The following CLNS1A variants were observed in gnomAD, a reference collection of about 807,000 sequenced individuals.
CLNS1A encodes chloride nucleotide-sensitive channel 1A, also known as methylosome subunit pICln.
Under a neutral mutation model 29.4 loss-of-function variants are expected in CLNS1A, and 16 were observed. The ratio of observed to expected loss-of-function variants is 0.54; its 90% CI spans 0.37 to 0.83. The LOEUF is 0.83. Among genes scored for constraint, CLNS1A ranks in the 40% least tolerant of loss-of-function variants. The pLI is 0.00. For synonymous variants in CLNS1A, 96 were observed against 104.8 expected (o/e 0.92, Z 0.51); for missense variants, 235 against 287.4 (o/e 0.82, Z 1.32).
chr11:77,618,774 A>G (rs777829044), intron 6 of CLNS1A: 6 of 152,236 alleles, frequency 3.9e-5, no homozygotes, highest in Non-Finnish European at 8.8e-5. Flanking sequence ...CAGAACTAAA[A>G]TCTGTATCAG....
At chr11:77,630,823 AG>A (rs1216234616) in intron 1 of CLNS1A, among the ~76,000 whole-genome samples, 1 of 152,180 alleles carries the variant, frequency 6.6e-6, no homozygotes, top group East Asian at 1.9e-4. Flanking sequence ...GTGGTTGCCT[AG>A]GGCTAGAAGG....
At chr11:77,637,565 C>T in intron 1 of CLNS1A, 25 bp downstream of exon 1, 1 of 1,587,196 alleles carries the variant, frequency 6.3e-7, no homozygotes, top group Middle Eastern at 2.1e-4. Flanking sequence ...CGCAGGAGGC[C>T]AGCGCTGGGG....
At chr11:77,629,570 T>A (rs1220985987) in intron 2 of CLNS1A, among the ~76,000 whole-genome samples, 193 bp downstream of exon 2, 2 of 152,008 alleles carry the variant, frequency 1.3e-5, no homozygotes, top group East Asian at 3.9e-4. Flanking sequence ...ATTTTTTGTA[T>A]TTTTTAGTAG....
intron 5 of CLNS1A, among the ~76,000 whole-genome samples, chr11:77,621,469 C>A (rs1157922153): frequency 2.6e-5 from 4 of 152,104 alleles, no homozygotes; most frequent in African/African-American, 7.2e-5. Flanking sequence ...CATGGTGGAA[C>A]CTTGTCTCTA....
intron 1 of CLNS1A, 129 bp downstream of exon 1, chr11:77,637,461 G>A (rs939940993): frequency 4.2e-6 from 5 of 1,196,644 alleles, no homozygotes; most frequent in Admixed American, 3.0e-5. Context: ...TATCCCTGAG[G>A]CGTCGGGCAC....
intron 5 of CLNS1A, chr11:77,621,814 T>G: frequency 2.7e-6 from 1 of 375,418 alleles, no homozygotes; most frequent in Non-Finnish European, 5.3e-6. Context: ...CCCTGCATAG[T>G]GTGGTGGGTC....
intron 1 of CLNS1A, among the ~76,000 whole-genome samples, chr11:77,637,323 GAA>G (rs1296391689): frequency 9.9e-6 from 1 of 101,522 alleles, no homozygotes; most frequent in Non-Finnish European, 1.9e-5. Context: ...CAGAGAAAGA[GAA>G]AGAGGAAAAA....
In CLNS1A at chr11:77,637,779, G is replaced by A. The variant is rs1003722752; in HGVS notation, c.-65C>T. On this transcript the variant is annotated 5_prime_UTR_variant, in exon 1 of 7. Coordinates refer to ENST00000525428, the MANE Select transcript of CLNS1A (RefSeq NM_001293.3). ...AGCACAGCAATGCGTGCACCACACC[G>A]CCCGCCCTGGAAGAGGCAGTCACCC... The A allele has an allele frequency of 4.1e-6, 6 of 1,480,150 alleles. No homozygotes were observed. In the South Asian group the frequency reaches 5.3e-5, roughly 13 times the overall value. The allele number at this position is 1,480,150 out of a possible 1,614,324, so 91.7% of individuals were successfully genotyped here.
chr11:77,620,419 A>G (rs1490343909), intron 5 of CLNS1A, among the ~76,000 whole-genome samples: 1 of 152,238 alleles, frequency 6.6e-6, no homozygotes, highest in Non-Finnish European at 1.5e-5. Context: ...TGTAAGTCCA[A>G]TGAAACCTCT....
chr11:77,619,758 T>C, intron 5 of CLNS1A, 63 bp from the exon 6 acceptor site: 1 of 1,133,448 alleles, frequency 8.8e-7, no homozygotes, highest in South Asian at 1.2e-5. Flanking sequence ...AGATTCAACT[T>C]ATAACTTCTA....
chr11:77,620,200 G>T (rs1244312609), intron 5 of CLNS1A, among the ~76,000 whole-genome samples: 1 of 152,140 alleles, frequency 6.6e-6, no homozygotes, highest in East Asian at 1.9e-4. Context: ...CACGTGTTGT[G>T]GGAGGGATCT....
chr11:77,623,040 C>CAT (rs1275718834), intron 4 of CLNS1A, among the ~76,000 whole-genome samples: 2 of 150,690 alleles, frequency 1.3e-5, no homozygotes, highest in Non-Finnish European at 2.9e-5. Context: ...TTTATACACA[C>CAT]ATATAGGCTA....
intron 1 of CLNS1A, among the ~76,000 whole-genome samples, chr11:77,633,395 A>G (rs1486078496): frequency 6.6e-5 from 10 of 152,342 alleles, no homozygotes; most frequent in African/African-American, 2.2e-4. Context: ...TCTGATCATT[A>G]AATTCTGATT....
At chr11:77,636,529 G>A (rs1172511641) in intron 1 of CLNS1A, among the ~76,000 whole-genome samples, 2 of 152,112 alleles carry the variant, frequency 1.3e-5, no homozygotes, top group African/African-American at 2.4e-5. Flanking sequence ...TAAAGCAGAG[G>A]TTCTTTACAG....
chr11:77,637,691 C>T lies in CLNS1A; in HGVS notation c.24G>A (p.Pro8=), dbSNP rs1252620380. 2 of 1,560,642 alleles carry T rather than the reference C, an allele frequency of 1.3e-6. No individual in the cohort carries two copies. Among genetic ancestry groups the T allele is most frequent in the South Asian group, 2.4e-5 (2 of 84,716 alleles). The part of the protein sequence containing the change: MSFLKSF[P]PPGPAEGLLR... The stretch of plus-strand genomic sequence containing the variant: ...GGAGCCCCTCCGCTGGCCCAGGCGG[C>T]GGGAAACTTTTGAGGAAGCTCATAG... The change falls in exon 1 of 7, where the codon CCG becomes CCA. Residue 8 remains proline, a synonymous_variant. Coordinates refer to ENST00000525428, the MANE Select transcript of CLNS1A (RefSeq NM_001293.3).
At chr11:77,624,078 T>C (rs1037391762) in intron 4 of CLNS1A, among the ~76,000 whole-genome samples, 1 of 152,106 alleles carries the variant, frequency 6.6e-6, no homozygotes, top group Non-Finnish European at 1.5e-5. Flanking sequence ...GCTTGGGCAA[T>C]ATGGCAAAGC....
At chr11:77,631,284 T>C (rs1282878014) in intron 1 of CLNS1A, among the ~76,000 whole-genome samples, 1 of 151,886 alleles carries the variant, frequency 6.6e-6, no homozygotes, top group Non-Finnish European at 1.5e-5. Flanking sequence ...GTGATAACTG[T>C]ACAACTCTGT....
chr11:77,623,799 T>G (rs1288893378), intron 4 of CLNS1A, among the ~76,000 whole-genome samples: 1 of 151,946 alleles, frequency 6.6e-6, no homozygotes, highest in African/African-American at 2.4e-5. Context: ...ATAAGACCAG[T>G]AGGGAAAAGA....
At chr11:77,625,876 T>A in intron 2 of CLNS1A, 58 bp from the exon 3 acceptor site, 1 of 1,331,506 alleles carries the variant, frequency 7.5e-7, no homozygotes, top group Non-Finnish European at 1.0e-6. Context: ...ATGAAGCATA[T>A]TGAAAATCTG....
Sources: gnomAD v4.1 joint callset for allele counts (sites outside exome capture counted in the v4.1 genomes callset) on GRCh38, gnomAD v4.1.1 for gene constraint, MANE v1.5 for transcripts, NCBI Gene and HGNC (gene_info 2026-07-23, HGNC 2026-07-21) for gene names.